BBX: variants seen among roughly 807,000 people sequenced by gnomAD.
BBX encodes the protein BBX high mobility group box domain containing.
A neutral mutation model predicts 100.2 loss-of-function variants in BBX; 30 were observed. The observed-to-expected ratio is 0.30, with a 90% CI of 0.22 to 0.41. The LOEUF is 0.41. Among genes scored for constraint, BBX ranks in the 10% least tolerant of loss-of-function variants. The pLI is 1.00. For synonymous variants in BBX, 376 were observed against 388.1 expected, an observed-to-expected ratio of 0.97 and a Z score of 0.37; for missense variants, 1,023 against 1,129.8, an observed-to-expected ratio of 0.91 and a Z score of 1.35.
intron 7 of BBX, among the ~76,000 whole-genome samples, chr3:107,742,314 CTTT>C (rs1200031918): frequency 7.0e-6 from 1 of 143,196 alleles, no homozygotes; most frequent in African/African-American, 2.5e-5. Flanking sequence ...CCTCCTTTTT[CTTT>C]TTTTTTTTTG....
intron 13 of BBX, among the ~76,000 whole-genome samples, chr3:107,779,836 C>G (rs2067688755): frequency 1.3e-5 from 2 of 152,012 alleles, no homozygotes; most frequent in African/African-American, 4.8e-5. Flanking sequence ...AATTTGAGAT[C>G]TGTATCTCAA....
chr3:107,797,779 A>C (rs922453133), intron 15 of BBX, among the ~76,000 whole-genome samples: 1 of 152,194 alleles, frequency 6.6e-6, no homozygotes, highest in African/African-American at 2.4e-5. Context: ...TGCTCTTGAC[A>C]GAGTGACTCA....
intron 2 of BBX, among the ~76,000 whole-genome samples, chr3:107,554,366 A>G (rs986591671): frequency 2.6e-5 from 4 of 152,224 alleles, no homozygotes; most frequent in Admixed American, 6.5e-5. Context: ...CCTGGTATCC[A>G]AGAAATTGTA....
At chr3:107,700,847 A>C (rs1205577692) in intron 3 of BBX, among the ~76,000 whole-genome samples, 6 of 151,682 alleles carry the variant, frequency 4.0e-5, no homozygotes, top group Non-Finnish European at 8.8e-5. Flanking sequence ...TCATTGTTGG[A>C]CATTTGGGTT....
At chr3:107,693,122 T>C (rs1383711331) in intron 3 of BBX, among the ~76,000 whole-genome samples, 5 of 148,390 alleles carry the variant, frequency 3.4e-5, no homozygotes, top group Non-Finnish European at 7.5e-5. Context: ...GAGTAGGTTG[T>C]GAAAATTTTC....
chr3:107,674,465 C>A (rs1219465367), intron 3 of BBX, among the ~76,000 whole-genome samples: 3 of 152,132 alleles, frequency 2.0e-5, no homozygotes, highest in Non-Finnish European at 4.4e-5. Context: ...AACCCTTGCG[C>A]TAGTAATGAC....
At chr3:107,524,637 GAC>G (rs1217400627) in intron 1 of BBX, 8 of 143,490 alleles carry the variant, frequency 5.6e-5, no homozygotes, top group African/African-American at 2.1e-4. Context: ...GAGAGGGAGA[GAC>G]AGAGAGAGAA....
rs538379364 is a variant in BBX, at chr3:107,755,538, G to A, written c.826-60G>A. ...GAAAAATTCCTGAATGTATATGAAT[G>A]AGAAGCAAAGATTCTGGTATCACAA... On this transcript the variant is annotated intron_variant, in intron 9 of 17. Transcript: ENST00000325805. 1.2e-5 allele frequency: 17 copies of A among 1,464,194 alleles called. No individual in the cohort carries two copies. In the South Asian group the frequency reaches 1.7e-4, roughly 15 times the overall value. The allele number at this position is 1,464,194 out of a possible 1,614,324, so 90.7% of individuals were successfully genotyped here. A position where few individuals can be genotyped will look rare whatever the true frequency, so the allele number is the denominator to read the frequency against.
At chr3:107,553,802 C>G (rs1232506886) in intron 2 of BBX, among the ~76,000 whole-genome samples, 1 of 152,164 alleles carries the variant, frequency 6.6e-6, no homozygotes, top group Non-Finnish European at 1.5e-5. Context: ...CCCAGTTCAA[C>G]TTATGCATAT....
rs116400160 is a variant in BBX, at chr3:107,777,621, G to A, written c.2055-750G>A. 4.9e-3 allele frequency among the ~76,000 whole-genome samples: 743 copies of A among 152,236 alleles called. 3 individuals carry two copies. The highest frequency in any genetic ancestry group is 7.2e-3 in the Non-Finnish European group (488 of 68,012). On this transcript the variant is annotated intron_variant, in intron 12 of 17. Coordinates refer to ENST00000325805, the MANE Select transcript of BBX (RefSeq NM_001142568.3). ...AGCAGGCATGTTGCCATTGCTGTGG[G>A]ACCCTAGAGACAGTCAGCACCAGCC...
At chr3:107,697,332 T>C (rs1323566698) in intron 3 of BBX, among the ~76,000 whole-genome samples, 1 of 151,922 alleles carries the variant, frequency 6.6e-6, no homozygotes, top group South Asian at 2.1e-4. Flanking sequence ...TGTGGTTTTA[T>C]CTACTTTTGG....
In BBX at chr3:107,805,452, C is replaced by G; in HGVS notation, c.2821C>G (p.Gln941Glu). 1.9e-6 allele frequency: 3 copies of G among 1,614,142 alleles called. No homozygotes were observed. The highest frequency in any genetic ancestry group is 2.5e-6 in the Non-Finnish European group (3 of 1,179,992). Residue 941 changes from glutamine to glutamate, a missense_variant, in exon 18 of 18, where the codon CAG becomes GAG. Gln to Glu is a conservative substitution (Grantham distance 29, BLOSUM62 2). Coordinates refer to ENST00000325805, the MANE Select transcript of BBX (RefSeq NM_001142568.3). ...TCCTGTACTTATTTCCTGCGCTGAC[C>G]AGTGAAGCGCCCTTTCATTGTAAAA... is the stretch of plus-strand genomic sequence containing the variant. ...QAPVLISCAD[Q>E]
chr3:107,617,592 A>G (rs902943795), intron 2 of BBX, among the ~76,000 whole-genome samples: 1 of 152,042 alleles, frequency 6.6e-6, no homozygotes, highest in Non-Finnish European at 1.5e-5. Context: ...TATCCTGGAC[A>G]TGTTTTGTTG....
At chr3:107,780,119 A>G (rs1222786196) in intron 13 of BBX, among the ~76,000 whole-genome samples, 2 of 152,148 alleles carry the variant, frequency 1.3e-5, no homozygotes, top group Non-Finnish European at 1.5e-5. Flanking sequence ...AAATGAAATG[A>G]TAGTCTCTGT....
Position 107,716,632 on chromosome 3 carries a change from T to C in BBX, c.188T>C (p.Leu63Pro). The stretch of plus-strand genomic sequence containing the variant: ...GTTCAACTTCTTGGGGCCGATGGCC[T>C]AGAGCAAGATGTTGGTGAAACTGAA... Reference protein sequence around the residue: ...DKVQLLGADGLEQDVGETEDD... With the variant: ...DKVQLLGADGPEQDVGETEDD... The change falls in exon 5 of 18, where the codon CTA (leucine) becomes CCA (proline). Residue 63 changes from leucine (L) to proline (P), a missense_variant. Physicochemically the swap from Leu to Pro is moderately conservative, Grantham distance 98. Coordinates refer to ENST00000325805, the MANE Select transcript of BBX (RefSeq NM_001142568.3). 1 of 1,613,816 alleles carries C rather than the reference T, an allele frequency of 6.2e-7. No individual in the cohort carries two copies.
intron 2 of BBX, among the ~76,000 whole-genome samples, chr3:107,564,874 G>A (rs2937396): frequency 0.11 from 16,577 of 151,998 alleles, 1,011 homozygotes; most frequent in Non-Finnish European, 0.12. Flanking sequence ...TCTTGATTCT[G>A]AATGTTGCAT....
At chr3:107,769,215 TAGATAGATAGATAGACAGATAGATA>T (rs1179438300) in intron 10 of BBX, among the ~76,000 whole-genome samples, 1 of 134,846 alleles carries the variant, frequency 7.4e-6, no homozygotes, top group African/African-American at 2.7e-5. Flanking sequence ...GATAGATAGA[TAGATAGATAGATAGACAGATAGATA>T]GGATAGATAG....
intron 3 of BBX, among the ~76,000 whole-genome samples, chr3:107,709,001 G>C (rs2061555868): frequency 1.3e-5 from 2 of 152,282 alleles, no homozygotes; most frequent in South Asian, 2.1e-4. Flanking sequence ...CAAGCAGTTG[G>C]AGGGAGGTTA....
chr3:107,708,361 T>C (rs2107280966), intron 3 of BBX, among the ~76,000 whole-genome samples: 1 of 152,274 alleles, frequency 6.6e-6, no homozygotes, highest in Middle Eastern at 3.4e-3. Flanking sequence ...TTTCTTTTTC[T>C]TGACTGGACA....
Sources: gnomAD v4.1 joint callset for allele counts (sites outside exome capture counted in the v4.1 genomes callset) on GRCh38, gnomAD v4.1.1 for gene constraint, MANE v1.5 for transcripts, NCBI Gene and HGNC (gene_info 2026-07-23, HGNC 2026-07-21) for gene names.